TNFRSF10B: variants seen among roughly 807,000 people sequenced by gnomAD.
TNFRSF10B encodes the protein TNF receptor superfamily member 10b.
A neutral mutation model predicts 41.4 loss-of-function variants in TNFRSF10B; 35 were observed. The observed-to-expected ratio is 0.85, with a 90% confidence interval of 0.65 to 1.12. The LOEUF (loss-of-function observed/expected upper bound fraction) is 1.12. Ranked by LOEUF, TNFRSF10B falls within the 50% of genes most tolerant of loss-of-function variation. The probability of loss-of-function intolerance (pLI) is 0.00; values close to 1 mark genes in which losing one functional copy is unlikely to be tolerated. For missense variants in TNFRSF10B, 584 were observed against 552.7 expected (o/e 1.06, Z -0.57); for synonymous variants, 230 against 215.5 (o/e 1.07, Z -0.59).
intron 2 of TNFRSF10B, among the ~76,000 whole-genome samples, chr8:23,035,529 C>A (rs1036470791): frequency 1.3e-5 from 2 of 152,132 alleles, no homozygotes; most frequent in Non-Finnish European, 2.9e-5. Context: ...TTGAACCTCA[C>A]GAGCAAGAAG....
chr8:23,034,958 T>C (rs1158074530), intron 2 of TNFRSF10B, among the ~76,000 whole-genome samples: 1 of 152,128 alleles, frequency 6.6e-6, no homozygotes, highest in Non-Finnish European at 1.5e-5. Context: ...TTTGAGCAAA[T>C]CGCCACATCC....
intron 4 of TNFRSF10B, 140 bp downstream of exon 4, chr8:23,029,469 CA>C: frequency 5.1e-6 from 4 of 778,988 alleles, no homozygotes; most frequent in African/African-American, 1.7e-5. Flanking sequence ...GGGGTGGTGA[CA>C]CGCAGAGGGA....
rs71206564 is a variant in TNFRSF10B, at chr8:23,047,357, C to CAA, written c.145-4116_145-4115dup. 1.2e-3 allele frequency among the ~76,000 whole-genome samples: 129 copies of CAA among 108,364 alleles called. 1 individual carries two copies. The Middle Eastern group carries it at 0.014, about 11-fold the overall frequency. 71.1% of individuals were successfully genotyped at this position (108,364 alleles called of 152,430 possible). A position where few individuals can be genotyped will look rare whatever the true frequency, so the allele number is the denominator to read the frequency against. On this transcript the variant is annotated intron_variant, in intron 1 of 8. Coordinates refer to ENST00000276431, the MANE Select transcript of TNFRSF10B (RefSeq NM_003842.5). ...AGGCAACAAGAGTGAAATTTCATCT[C>CAA]AAAAAAAAAAAAAAAAAGTTTCTGC...
Position 23,021,654 on chromosome 8 carries a change from C to A in TNFRSF10B, c.*1017G>T. The stretch of plus-strand genomic sequence containing the variant: ...TAGGGACCAGCCACACACAGGACTT[C>A]ACGTGGATCCAGTTCTCTTTGGTCC... On this transcript the variant is annotated 3_prime_UTR_variant, in exon 9 of 9. Coordinates refer to ENST00000276431, the MANE Select transcript of TNFRSF10B (RefSeq NM_003842.5). 1 of 454,136 alleles carries A rather than the reference C, an allele frequency of 2.2e-6. No individual in the cohort carries two copies. The highest frequency in any genetic ancestry group is 4.4e-6 in the Non-Finnish European group (1 of 226,798). The allele number at this position is 454,136 out of a possible 1,614,324, so 28.1% of individuals were successfully genotyped here. A position where few individuals can be genotyped will look rare whatever the true frequency, so the allele number is the denominator to read the frequency against.
At chr8:23,048,499 G>A (rs1416039057) in intron 1 of TNFRSF10B, among the ~76,000 whole-genome samples, 2 of 151,218 alleles carry the variant, frequency 1.3e-5, no homozygotes, top group African/African-American at 4.9e-5. Context: ...GGTTACTAGA[G>A]TCTGGGCACG....
At position 23,029,686 on chromosome 8, in the gene TNFRSF10B, T is replaced by G; in HGVS notation, c.400A>C (p.Asn134His). ...CCTTCTTCGCACTGACACACTGTGTTTCTGGTCGTGGTGCAGGGACTTAGC... is the reference window on the plus strand; with the variant it reads ...CCTTCTTCGCACTGACACACTGTGTGTCTGGTCGTGGTGCAGGGACTTAGC... ...VELSPCTTTR[N>H]TVCQCEEGTF... The change falls in exon 4 of 9, where the codon AAC becomes CAC. Residue 134 changes from asparagine (N) to histidine (H), a missense_variant. Physicochemically the swap from Asn to His is moderately conservative, Grantham distance 68. Coordinates refer to ENST00000276431, the MANE Select transcript of TNFRSF10B (RefSeq NM_003842.5). The G allele has an allele frequency of 6.2e-7, 1 of 1,614,058 alleles. No homozygotes were observed. Among genetic ancestry groups the G allele is most frequent in the Non-Finnish European group, 8.5e-7 (1 of 1,179,992 alleles).
intron 1 of TNFRSF10B, among the ~76,000 whole-genome samples, chr8:23,066,038 T>G (rs1812970764): frequency 6.6e-6 from 1 of 152,138 alleles, no homozygotes; most frequent in Non-Finnish European, 1.5e-5. Flanking sequence ...ATCCCAATAC[T>G]TTGGGAGGAC....
At chr8:23,027,065 C>T in intron 7 of TNFRSF10B, 68 bp downstream of exon 7, 2 of 1,610,280 alleles carry the variant, frequency 1.2e-6, no homozygotes, top group Non-Finnish European at 8.5e-7. Context: ...GCACTGCCCT[C>T]TCCCACTGTC....
rs756252627 is a variant in TNFRSF10B, at chr8:23,029,706, C to G, written c.380G>C (p.Ser127Thr). 18 of 1,613,832 alleles carry G rather than the reference C, an allele frequency of 1.1e-5. No individual in the cohort carries two copies. The highest frequency in any genetic ancestry group is 1.5e-5 in the Non-Finnish European group (18 of 1,179,912). The change falls in exon 4 of 9, where the codon AGT becomes ACT. Residue 127 changes from serine (S) to threonine (T), a missense_variant. Physicochemically the swap from Ser to Thr is moderately conservative, Grantham distance 58 (BLOSUM62 1). Coordinates refer to ENST00000276431, the MANE Select transcript of TNFRSF10B (RefSeq NM_003842.5). Reference sequence around the variant, plus strand: ...TGTGTTTCTGGTCGTGGTGCAGGGACTTAGCTCCACTTCACCTGACGACAG... The same window carrying G: ...TGTGTTTCTGGTCGTGGTGCAGGGAGTTAGCTCCACTTCACCTGACGACAG... ...TRCDSGEVELSPCTTTRNTVC... is the reference protein window; with the variant it reads ...TRCDSGEVELTPCTTTRNTVC...
rs1047275 is a variant in TNFRSF10B, at chr8:23,022,649, G to C, written c.*22C>G. The C allele has an allele frequency of 0.56, 904,171 of 1,613,034 alleles. 259,189 individuals carry two copies. The highest frequency in any genetic ancestry group is 0.59 in the Non-Finnish European group (691,585 of 1,179,556). On this transcript the variant is annotated 3_prime_UTR_variant, in exon 9 of 9. Coordinates refer to ENST00000276431, the MANE Select transcript of TNFRSF10B (RefSeq NM_003842.5). ...AAAAAAGGTAAACCAGGGAAGGTCTGACTTCCTGAAGAGAATCACACTTAG... is the reference window on the plus strand; with the variant it reads ...AAAAAAGGTAAACCAGGGAAGGTCTCACTTCCTGAAGAGAATCACACTTAG...
chr8:23,022,302 A>AGTCG lies in TNFRSF10B; in HGVS notation c.*365_*368dup, dbSNP rs1231439814. Reference sequence around the variant, plus strand: ...GTTCATATCATATAGTATCAAGTGAAGTCGGACAACGACTGTGTAGATGGA... The same window carrying AGTCG: ...GTTCATATCATATAGTATCAAGTGAAGTCGGTCGGACAACGACTGTGTAGATGGA... On this transcript the variant is annotated 3_prime_UTR_variant, in exon 9 of 9. Coordinates refer to ENST00000276431, the MANE Select transcript of TNFRSF10B (RefSeq NM_003842.5). 6.5e-6 allele frequency: 3 copies of AGTCG among 458,782 alleles called. No individual in the cohort carries two copies. The highest frequency in any genetic ancestry group is 1.3e-5 in the Non-Finnish European group (3 of 230,232). The allele number at this position is 458,782 out of a possible 1,614,324, so 28.4% of individuals were successfully genotyped here.
chr8:23,068,885 G>C lies in TNFRSF10B; in HGVS notation c.10C>G (p.Arg4Gly), dbSNP rs760265962. The C allele has an allele frequency of 6.2e-7, 1 of 1,613,530 alleles. No individual in the cohort carries two copies. The highest frequency in any genetic ancestry group is 8.5e-7 in the Non-Finnish European group (1 of 1,179,960). ...GAAGCGGCCGGGGCGTTCTGTCCCC[G>C]TTGTTCCATGGCGGTAGGGAACGCT... The part of the protein sequence containing the change: MEQ[R>G]GQNAPAASGA... Residue 4 changes from arginine to glycine, a missense_variant, in exon 1 of 9, where the codon CGG (arginine) becomes GGG (glycine). Transcript: ENST00000276431.
At position 23,020,549 on chromosome 8, in the gene TNFRSF10B, A is replaced by G. The variant is rs534525618; in HGVS notation, c.*2122T>C. The G allele has an allele frequency of 3.1e-5, 14 of 445,206 alleles. No individual in the cohort carries two copies. The highest frequency in any genetic ancestry group is 2.8e-4 in the African/African-American group (14 of 49,664). 27.6% of individuals were successfully genotyped at this position (445,206 alleles called of 1,614,324 possible). On this transcript the variant is annotated 3_prime_UTR_variant, in exon 9 of 9. Coordinates refer to ENST00000276431, the MANE Select transcript of TNFRSF10B (RefSeq NM_003842.5). Reference sequence around the variant, plus strand: ...TCTACTAAAAATACAAAAATTAGCCAGGCGTGGTGGCGGGTGCCTGCAATC... The same window carrying G: ...TCTACTAAAAATACAAAAATTAGCCGGGCGTGGTGGCGGGTGCCTGCAATC...
intron 4 of TNFRSF10B, among the ~76,000 whole-genome samples, chr8:23,029,147 T>C (rs1811803819): frequency 1.3e-5 from 2 of 152,122 alleles, no homozygotes; most frequent in Non-Finnish European, 1.5e-5. Context: ...CAGGTCCTCA[T>C]GGGAACTTGA....
chr8:23,022,970 A>G lies in TNFRSF10B; in HGVS notation c.1024T>C (p.Phe342Leu). Residue 342 changes from phenylalanine (F) to leucine (L), a missense_variant, in exon 9 of 9, where the codon TTC becomes CTC. By Grantham distance (22) the Phe-to-Leu change is conservative. Coordinates refer to ENST00000276431, the MANE Select transcript of TNFRSF10B (RefSeq NM_003842.5). ...GDPTETLRQCFDDFADLVPFD... is the reference protein window; with the variant it reads ...GDPTETLRQCLDDFADLVPFD... ...GGCACCAAGTCTGCAAAGTCATCGA[A>G]GCACTGTCTCAGAGCTGGTGGAGAA... is the stretch of plus-strand genomic sequence containing the variant. 2 of 1,612,546 alleles carry G rather than the reference A, an allele frequency of 1.2e-6. No individual in the cohort carries two copies. The highest frequency in any genetic ancestry group is 1.7e-6 in the Non-Finnish European group (2 of 1,180,006).
intron 1 of TNFRSF10B, among the ~76,000 whole-genome samples, chr8:23,044,096 C>T (rs78886016): frequency 0.013 from 1,948 of 152,274 alleles, 40 homozygotes; most frequent in African/African-American, 0.044. Flanking sequence ...TAAAAATGGT[C>T]TTGGGAAATC....
In TNFRSF10B at chr8:23,027,252, T is replaced by A. The variant is rs780629655; in HGVS notation, c.817A>T (p.Asn273Tyr). The change falls in exon 7 of 9, where the codon AAT becomes TAT. Residue 273 changes from asparagine to tyrosine, a missense_variant. Coordinates refer to ENST00000276431, the MANE Select transcript of TNFRSF10B (RefSeq NM_003842.5). ...QRPGAEDNVL[N>Y]EIVSILQPTQ... Reference sequence around the variant, plus strand: ...GGCTGCAAGATACTCACGATCTCATTGAGGACATTGTCCTCAGCCCCAGGT... The same window carrying A: ...GGCTGCAAGATACTCACGATCTCATAGAGGACATTGTCCTCAGCCCCAGGT... 17 of 1,614,026 alleles carry A rather than the reference T, an allele frequency of 1.1e-5. No homozygotes were observed. Among genetic ancestry groups the A allele is most frequent in the Non-Finnish European group, 1.4e-5 (17 of 1,180,038 alleles).
At position 23,059,592 on chromosome 8, in the gene TNFRSF10B, C is replaced by T. The variant is rs147789955; in HGVS notation, c.144+9159G>A. 4.3e-3 allele frequency among the ~76,000 whole-genome samples: 656 copies of T among 152,242 alleles called. 11 individuals carry two copies. Among genetic ancestry groups the T allele is most frequent in the Admixed American group, 0.037 (567 of 15,296 alleles). ...TGCCATCTCAGCTCACTGCAAGCTC[C>T]GCCTCCTGGGTTCACGCCATTCTCC... On this transcript the variant is annotated intron_variant, in intron 1 of 8. Transcript: ENST00000276431.
intron 2 of TNFRSF10B, among the ~76,000 whole-genome samples, chr8:23,036,260 C>T (rs892388141): frequency 6.6e-6 from 1 of 151,992 alleles, no homozygotes; most frequent in African/African-American, 2.4e-5. Context: ...CTAAAGTTTC[C>T]ATTTCCATTT....
Sources: gnomAD v4.1 joint callset for allele counts (sites outside exome capture counted in the v4.1 genomes callset) on GRCh38, gnomAD v4.1.1 for gene constraint, MANE v1.5 for transcripts, NCBI Gene and HGNC (gene_info 2026-07-23, HGNC 2026-07-21) for gene names.